RPH3A: variants seen among roughly 807,000 people sequenced by gnomAD.
RPH3A encodes the protein rabphilin-3A.
Under a neutral mutation model 102.2 loss-of-function variants are expected in RPH3A, and 48 were observed. The ratio of observed to expected loss-of-function variants is 0.47; its 90% CI spans 0.37 to 0.60. The LOEUF (loss-of-function observed/expected upper bound fraction) is 0.60. Among genes scored for constraint, RPH3A ranks in the 20% least tolerant of loss-of-function variants. RPH3A has a pLI of 0.00. For missense variants in RPH3A, 781 were observed against 910.1 expected (o/e 0.86, Z 1.83); for synonymous variants, 310 against 324.3 (o/e 0.96, Z 0.47).
intron 1 of RPH3A, among the ~76,000 whole-genome samples, chr12:112,657,785 A>G (rs1465567222): frequency 6.6e-6 from 1 of 152,184 alleles, no homozygotes; most frequent in Admixed American, 6.5e-5. Flanking sequence ...AAAATGAAAT[A>G]GGGGAAGTGG....
intron 10 of RPH3A, among the ~76,000 whole-genome samples, chr12:112,871,069 T>C (rs912978479): frequency 6.6e-6 from 1 of 152,214 alleles, no homozygotes; most frequent in Non-Finnish European, 1.5e-5. Flanking sequence ...CAACTGATAA[T>C]TGGTTAGAAT....
At chr12:112,845,074 G>A (rs896916307) in intron 4 of RPH3A, among the ~76,000 whole-genome samples, 1 of 152,198 alleles carries the variant, frequency 6.6e-6, no homozygotes, top group African/African-American at 2.4e-5. Flanking sequence ...TTATGACTTG[G>A]AAGCCACACA....
At chr12:112,866,880 C>G in intron 7 of RPH3A, 40 bp downstream of exon 7, 1 of 1,514,770 alleles carries the variant, frequency 6.6e-7, no homozygotes. Context: ...GATCACCCTC[C>G]TTTCTTGGCC....
chr12:112,642,897 G>A (rs149972854), intron 1 of RPH3A, among the ~76,000 whole-genome samples: 94 of 152,256 alleles, frequency 6.2e-4, no homozygotes, highest in African/African-American at 2.2e-3. Context: ...GGTAAGGCAA[G>A]GTCTGGAGAT....
At chr12:112,863,977 G>A (rs1394909954) in intron 5 of RPH3A, among the ~76,000 whole-genome samples, 1 of 152,224 alleles carries the variant, frequency 6.6e-6, no homozygotes, top group African/African-American at 2.4e-5. Context: ...AAGGTGCCTG[G>A]CCCCGGGGAA....
chr12:112,605,212 C>G (rs1282948692), intron 1 of RPH3A, among the ~76,000 whole-genome samples: 2 of 151,884 alleles, frequency 1.3e-5, no homozygotes, highest in Non-Finnish European at 2.9e-5. Context: ...CCATCTCTAC[C>G]AAAAATACAA....
chr12:112,814,622 G>T (rs558144163), intron 2 of RPH3A, among the ~76,000 whole-genome samples: 1 of 152,144 alleles, frequency 6.6e-6, no homozygotes, highest in Non-Finnish European at 1.5e-5. Context: ...TAAGACTGCA[G>T]GTATTAAAGG....
intron 1 of RPH3A, among the ~76,000 whole-genome samples, chr12:112,608,034 G>C (rs1047427437): frequency 5.3e-5 from 8 of 151,984 alleles, no homozygotes; most frequent in African/African-American, 1.7e-4. Flanking sequence ...CACATGCCCA[G>C]GGACTTTAAA....
chr12:112,819,013 C>A (rs1234960939), intron 2 of RPH3A, among the ~76,000 whole-genome samples: 2 of 151,436 alleles, frequency 1.3e-5, no homozygotes, highest in African/African-American at 4.9e-5. Context: ...AACAACCCTG[C>A]AAGACAGGCA....
chr12:112,715,059 G>A (rs1358480887), intron 1 of RPH3A, among the ~76,000 whole-genome samples: 2 of 152,018 alleles, frequency 1.3e-5, no homozygotes, highest in South Asian at 2.1e-4. Flanking sequence ...AATTCTTAGC[G>A]TTTGTACTAT....
chr12:112,801,594 T>C (rs1430672376), intron 2 of RPH3A, among the ~76,000 whole-genome samples: 1 of 152,120 alleles, frequency 6.6e-6, no homozygotes, highest in African/African-American at 2.4e-5. Flanking sequence ...TTAATTATAA[T>C]GAGAGGGGAA....
At chr12:112,850,007 G>A (rs1489599454) in intron 5 of RPH3A, among the ~76,000 whole-genome samples, 1 of 152,186 alleles carries the variant, frequency 6.6e-6, no homozygotes, top group African/African-American at 2.4e-5. Flanking sequence ...CAGGGTAAAT[G>A]AGGTCCCTGT....
At chr12:112,582,472 G>A (rs1207052340) in intron 1 of RPH3A, among the ~76,000 whole-genome samples, 1 of 146,674 alleles carries the variant, frequency 6.8e-6, no homozygotes, top group Admixed American at 6.8e-5. Context: ...TTTGAGACAG[G>A]GTCTCCCTCT....
chr12:112,584,259 A>T (rs2039422185), intron 1 of RPH3A, among the ~76,000 whole-genome samples: 1 of 152,202 alleles, frequency 6.6e-6, no homozygotes, highest in Non-Finnish European at 1.5e-5. Flanking sequence ...ACAAAAGAAT[A>T]GAGTTAAGAA....
At chr12:112,825,276 T>C (rs1226665284) in intron 2 of RPH3A, among the ~76,000 whole-genome samples, 2 of 152,192 alleles carry the variant, frequency 1.3e-5, no homozygotes, top group Non-Finnish European at 2.9e-5. Context: ...TGGGAGCAGA[T>C]GAAATAGCTT....
chr12:112,751,416 G>A (rs1332919915), intron 1 of RPH3A, among the ~76,000 whole-genome samples: 5 of 152,098 alleles, frequency 3.3e-5, no homozygotes, highest in Non-Finnish European at 5.9e-5. Flanking sequence ...ACCTCTTTTA[G>A]CCTCAGTTTA....
At chr12:112,835,703 G>C (rs956078005) in intron 3 of RPH3A, among the ~76,000 whole-genome samples, 2 of 152,078 alleles carry the variant, frequency 1.3e-5, no homozygotes, top group Non-Finnish European at 2.9e-5. Flanking sequence ...AACAAATCTA[G>C]TCATAATTAA....
At chr12:112,715,475 TTTC>T (rs2040507004) in intron 1 of RPH3A, among the ~76,000 whole-genome samples, 1 of 152,172 alleles carries the variant, frequency 6.6e-6, no homozygotes, top group African/African-American at 2.4e-5. Flanking sequence ...CTCTCACTGT[TTTC>T]TTCTTTATAA....
intron 1 of RPH3A, among the ~76,000 whole-genome samples, chr12:112,663,222 G>A (rs765585368): frequency 7.2e-5 from 11 of 151,906 alleles, no homozygotes; most frequent in Non-Finnish European, 1.3e-4. Context: ...CTTTGTTTTA[G>A]TGGTGGGGAC....
Sources: gnomAD v4.1 joint callset for allele counts (sites outside exome capture counted in the v4.1 genomes callset) on GRCh38, gnomAD v4.1.1 for gene constraint, MANE v1.5 for transcripts, NCBI Gene and HGNC (gene_info 2026-07-23, HGNC 2026-07-21) for gene names.